DENND1A: variants seen among roughly 807,000 people sequenced by gnomAD.
The protein encoded by DENND1A is DENN domain containing 1A, also known as DENN domain-containing protein 1A.
In DENND1A, 51 loss-of-function variants were observed where a neutral mutation model predicts 113.7. That is an observed-to-expected ratio of 0.45 (90% CI 0.36 to 0.57). DENND1A has a LOEUF of 0.57. Among genes scored for constraint, DENND1A ranks in the 20% least tolerant of loss-of-function variants. DENND1A has a pLI of 0.00. For synonymous variants in DENND1A, 565 were observed against 570.8 expected (o/e 0.99, Z 0.14); for missense variants, 1,258 against 1,395.9 (o/e 0.90, Z 1.57).
chr9:123,517,273 A>G (rs1262331141), intron 13 of DENND1A, among the ~76,000 whole-genome samples: 1 of 149,064 alleles, frequency 6.7e-6, no homozygotes, highest in African/African-American at 2.5e-5. Context: ...AAAACAAAAA[A>G]CCCACAAAAC....
chr9:123,567,610 T>C (rs2058126402), intron 12 of DENND1A, among the ~76,000 whole-genome samples: 1 of 152,242 alleles, frequency 6.6e-6, no homozygotes, highest in Admixed American at 6.5e-5. Context: ...CTAACGACTT[T>C]CTTCATGAGC....
At chr9:123,673,930 C>G (rs2063890459) in intron 6 of DENND1A, among the ~76,000 whole-genome samples, 1 of 152,072 alleles carries the variant, frequency 6.6e-6, no homozygotes, top group African/African-American at 2.4e-5. Flanking sequence ...GCCCTCCCTT[C>G]CCTCCCCAAC....
chr9:123,540,423 G>T (rs1348557530), intron 13 of DENND1A, among the ~76,000 whole-genome samples: 2 of 152,196 alleles, frequency 1.3e-5, no homozygotes, highest in Non-Finnish European at 2.9e-5. Flanking sequence ...GCCTGCCACT[G>T]GGCCTGGTAC....
intron 5 of DENND1A, among the ~76,000 whole-genome samples, chr9:123,721,589 C>T (rs1005869873): frequency 4.6e-5 from 7 of 152,230 alleles, no homozygotes; most frequent in Non-Finnish European, 7.3e-5. Flanking sequence ...TCCCATATGT[C>T]GTGGGAGCAA....
intron 18 of DENND1A, among the ~76,000 whole-genome samples, chr9:123,443,808 T>A (rs751825884): frequency 1.3e-5 from 2 of 152,118 alleles, no homozygotes; most frequent in Admixed American, 6.5e-5. Context: ...ATATAAAAAT[T>A]AGCTGGATGC....
At chr9:123,853,117 A>T (rs1260796837) in intron 2 of DENND1A, among the ~76,000 whole-genome samples, 1 of 151,478 alleles carries the variant, frequency 6.6e-6, no homozygotes, top group Non-Finnish European at 1.5e-5. Flanking sequence ...ACGAGGTTTC[A>T]CCATGTTGGC....
chr9:123,570,704 A>T (rs2058308357), intron 12 of DENND1A, among the ~76,000 whole-genome samples: 1 of 152,236 alleles, frequency 6.6e-6, no homozygotes, highest in African/African-American at 2.4e-5. Flanking sequence ...CTCTATCAGA[A>T]AATACTAACA....
chr9:123,554,461 C>T (rs2057309538), intron 13 of DENND1A, among the ~76,000 whole-genome samples: 1 of 152,140 alleles, frequency 6.6e-6, no homozygotes, highest in Admixed American at 6.5e-5. Flanking sequence ...GCCTGGCTGC[C>T]CCAAGCAATC....
chr9:123,720,285 G>C (rs1045494645), intron 5 of DENND1A, among the ~76,000 whole-genome samples: 1 of 152,162 alleles, frequency 6.6e-6, no homozygotes, highest in African/African-American at 2.4e-5. Flanking sequence ...GGGAGTGAGG[G>C]ATGACAGAAG....
intron 7 of DENND1A, 56 bp downstream of exon 7, chr9:123,671,235 T>C: frequency 6.2e-7 from 1 of 1,601,014 alleles, no homozygotes; most frequent in Non-Finnish European, 8.6e-7. Flanking sequence ...TAGCTCCCTC[T>C]TACTGTCAAT....
intron 8 of DENND1A, among the ~76,000 whole-genome samples, chr9:123,654,859 C>G (rs866370654): frequency 6.6e-6 from 1 of 152,192 alleles, no homozygotes; most frequent in Non-Finnish European, 1.5e-5. Flanking sequence ...GAACCTCGCT[C>G]AGCCGTGGGA....
At chr9:123,610,356 A>G (rs2060361173) in intron 10 of DENND1A, among the ~76,000 whole-genome samples, 1 of 152,214 alleles carries the variant, frequency 6.6e-6, no homozygotes, top group Admixed American at 6.5e-5. Context: ...CCATAGATAC[A>G]ATACCCATTT....
At chr9:123,670,506 C>A (rs1430626645) in intron 7 of DENND1A, among the ~76,000 whole-genome samples, 1 of 152,140 alleles carries the variant, frequency 6.6e-6, no homozygotes, top group Admixed American at 6.5e-5. Context: ...GGTTAAAGGT[C>A]CTGATTAAGA....
chr9:123,671,184 G>T, intron 7 of DENND1A, 107 bp downstream of exon 7: 1 of 1,302,512 alleles, frequency 7.7e-7, no homozygotes, highest in Non-Finnish European at 1.1e-6. Context: ...TGGGGGTAGG[G>T]TTAGGGGAGG....
chr9:123,803,270 A>C (rs530458705), intron 2 of DENND1A, among the ~76,000 whole-genome samples: 1 of 152,308 alleles, frequency 6.6e-6, no homozygotes, highest in African/African-American at 2.4e-5. Context: ...AAAAACACAC[A>C]GCTATGCCGA....
At chr9:123,559,127 G>T (rs1227076863) in intron 12 of DENND1A, among the ~76,000 whole-genome samples, 1 of 152,162 alleles carries the variant, frequency 6.6e-6, no homozygotes, top group Non-Finnish European at 1.5e-5. Flanking sequence ...TGCTAAGTAC[G>T]GGGAGTGGTG....
Position 123,499,280 on chromosome 9 carries a change from C to T in DENND1A, c.994-41383G>A, listed in dbSNP as rs192968343. On this transcript the variant is annotated intron_variant, in intron 13 of 23. Coordinates refer to ENST00000394215, the MANE Select transcript of DENND1A (RefSeq NM_001352964.2). ...AACTCCTGACCTCAGGCGATCCACCCGCCTCGGCCTCCCAAAGTGCTGGGA... is the reference window on the plus strand; with the variant it reads ...AACTCCTGACCTCAGGCGATCCACCTGCCTCGGCCTCCCAAAGTGCTGGGA... Among the ~76,000 whole-genome samples the T allele has an allele frequency of 1.1e-4, 17 of 152,326 alleles. No homozygotes were observed. The East Asian group carries it at 2.7e-3, about 24-fold the overall frequency.
At chr9:123,541,150 C>A (rs976884984) in intron 13 of DENND1A, among the ~76,000 whole-genome samples, 1 of 152,194 alleles carries the variant, frequency 6.6e-6, no homozygotes, top group Non-Finnish European at 1.5e-5. Context: ...TTCCAAGCAT[C>A]TAGAATAGTC....
intron 2 of DENND1A, among the ~76,000 whole-genome samples, chr9:123,804,171 T>C (rs556973615): frequency 2.6e-5 from 4 of 152,326 alleles, no homozygotes; most frequent in African/African-American, 4.8e-5. Context: ...TGAGATCTGA[T>C]GGTTTTAAAA....
Sources: allele counts gnomAD v4.1 joint callset (sites outside exome capture counted in the v4.1 genomes callset), GRCh38; gene constraint gnomAD v4.1.1; transcripts MANE v1.5; gene names NCBI Gene and HGNC (gene_info 2026-07-23, HGNC 2026-07-21).